Variants in MSANTD2 observed in about 807,000 individuals in gnomAD.
The protein encoded by MSANTD2 is Myb/SANT DNA binding domain containing 2, also known as myb/SANT-like DNA-binding domain-containing protein 2.
A neutral mutation model predicts 52.6 loss-of-function variants in MSANTD2; 19 were observed. That is an observed-to-expected ratio of 0.36 (90% CI 0.25 to 0.53). The LOEUF (loss-of-function observed/expected upper bound fraction) is 0.53, where lower values mean the gene tolerates loss of function less well. Ranked by LOEUF, MSANTD2 falls within the 20% of genes least tolerant of loss-of-function variation. The probability of loss-of-function intolerance (pLI) is 0.91; values close to 1 mark genes in which losing one functional copy is unlikely to be tolerated. For synonymous variants in MSANTD2, 291 were observed against 289.7 expected, an observed-to-expected ratio of 1.00 and a Z score of -0.04; for missense variants, 558 against 716.3, an observed-to-expected ratio of 0.78 and a Z score of 2.52.
chr11:124,775,280 T>A (rs2135239574), intron 1 of MSANTD2: 1 of 202,202 alleles, frequency 4.9e-6, no homozygotes, highest in African/African-American at 2.3e-5. Flanking sequence ...TTAAAAAGAA[T>A]AAGGGGGAAA....
intron 1 of MSANTD2, chr11:124,783,542 C>T: frequency 5.6e-6 from 1 of 179,156 alleles, no homozygotes; most frequent in Non-Finnish European, 1.1e-5. Flanking sequence ...ATTGCTTGAA[C>T]CCAGGAGGGA....
At chr11:124,799,809 G>T in intron 1 of MSANTD2, 62 bp downstream of exon 1, 1 of 1,326,480 alleles carries the variant, frequency 7.5e-7, no homozygotes, top group South Asian at 1.3e-5. Flanking sequence ...CCGCCCCCGA[G>T]GCCCGCTTCC....
intron 3 of MSANTD2, 87 bp from the exon 4 acceptor site, chr11:124,768,115 T>C: frequency 4.6e-6 from 6 of 1,304,104 alleles, no homozygotes; most frequent in Non-Finnish European, 6.3e-6. Context: ...AAATGTTCTG[T>C]ATCTGCTGCC....
At chr11:124,795,392 G>C (rs972040960) in intron 1 of MSANTD2, among the ~76,000 whole-genome samples, 2 of 152,198 alleles carry the variant, frequency 1.3e-5, no homozygotes, top group East Asian at 3.8e-4. Flanking sequence ...CAGTGCATCA[G>C]ATTAACTGAC....
In MSANTD2 at chr11:124,776,274, A is replaced by G. The variant is rs572865981; in HGVS notation, c.511-1300T>C. On this transcript the variant is annotated intron_variant, in intron 1 of 3. Transcript: ENST00000374979. ...AAAACAACTCTTAATAATATCTACA[A>G]AGCCTCCAAGGAAGTTCAGTCTCTT... 3 of 152,348 alleles carry G rather than the reference A, an allele frequency of 2.0e-5. No individual in the cohort carries two copies. In the East Asian group the frequency reaches 5.8e-4, roughly 29 times the overall value. 9.4% of individuals were successfully genotyped at this position (152,348 alleles called of 1,614,324 possible).
At chr11:124,798,464 C>T (rs941532167) in intron 1 of MSANTD2, among the ~76,000 whole-genome samples, 7 of 152,030 alleles carry the variant, frequency 4.6e-5, no homozygotes, top group Non-Finnish European at 1.0e-4. Context: ...TTAGCTACTA[C>T]TTTAATGTCT....
At chr11:124,780,560 A>C (rs1944920704) in intron 1 of MSANTD2, among the ~76,000 whole-genome samples, 1 of 152,222 alleles carries the variant, frequency 6.6e-6, no homozygotes, top group African/African-American at 2.4e-5. Flanking sequence ...CCTCAGAAAA[A>C]TGCACACATA....
chr11:124,800,351 G>T lies in MSANTD2; in HGVS notation c.30C>A (p.Pro10=), dbSNP rs994945374. The T allele has an allele frequency of 1.2e-5, 19 of 1,546,846 alleles. No individual in the cohort carries two copies. Among genetic ancestry groups the T allele is most frequent in the Non-Finnish European group, 1.6e-5 (18 of 1,148,578 alleles). ...TCGGAATTTTTAGCGGCGAGTTGGC[G>T]GGCAGCTCCGAGCCACAGGGCGCAG... MAAPCGSEL[P]ANSPLKIPKM... The change falls in exon 1 of 4, where the codon CCC becomes CCA. Residue 10 remains proline (P), a synonymous_variant. Coordinates refer to ENST00000374979, the MANE Select transcript of MSANTD2 (RefSeq NM_001308027.2). This position sits in a 1 kb window ranked among gnomAD's most constrained non-coding sequence, Gnocchi z 4.3.
Position 124,767,771 on chromosome 11 carries a change from C to T in MSANTD2, c.1085G>A (p.Arg362Gln), listed in dbSNP as rs777449232. ...EKPEGRIIMTRVQKMNWKNVY... is the reference protein window; with the variant it reads ...EKPEGRIIMTQVQKMNWKNVY... Reference sequence around the variant, plus strand: ...ATTTTTCCAGTTCATTTTCTGCACTCGGGTCATAATGATCCGTCCTTCAGG... The same window carrying T: ...ATTTTTCCAGTTCATTTTCTGCACTTGGGTCATAATGATCCGTCCTTCAGG... The change falls in exon 4 of 4, where the codon CGA (arginine) becomes CAA (glutamine). Residue 362 changes from arginine to glutamine, a missense_variant. Around this residue, in one of 2 missense-constraint regions of MSANTD2, gnomAD observed 408 missense variants for 573.6 expected, o/e 0.71. Coordinates refer to ENST00000374979, the MANE Select transcript of MSANTD2 (RefSeq NM_001308027.2). This position sits in a 1 kb window ranked among gnomAD's most constrained non-coding sequence, Gnocchi z 6.5. 32 of 1,614,096 alleles carry T rather than the reference C, an allele frequency of 2.0e-5. No homozygotes were observed. Among genetic ancestry groups the T allele is most frequent in the South Asian group, 1.8e-4 (16 of 91,084 alleles).
intron 1 of MSANTD2, chr11:124,789,749 A>G (rs1046470823): frequency 6.6e-6 from 1 of 152,222 alleles, no homozygotes; most frequent in Non-Finnish European, 1.5e-5. Flanking sequence ...AATTATTTAG[A>G]ACAATCGGAG....
intron 1 of MSANTD2, chr11:124,775,239 C>A: frequency 3.2e-6 from 1 of 310,420 alleles, no homozygotes; most frequent in Non-Finnish European, 6.0e-6. Context: ...GCATGTACCC[C>A]ATACACATAT....
At chr11:124,777,018 G>A (rs1944772141) in intron 1 of MSANTD2, among the ~76,000 whole-genome samples, 1 of 152,238 alleles carries the variant, frequency 6.6e-6, no homozygotes, top group Non-Finnish European at 1.5e-5. Context: ...AATGGAAGGA[G>A]ACAAATGCCT....
Position 124,767,565 on chromosome 11 carries a change from T to A in MSANTD2, c.1291A>T (p.Ile431Phe), listed in dbSNP as rs1450965809. 1.9e-6 allele frequency: 3 copies of A among 1,614,150 alleles called. No individual in the cohort carries two copies. In the Admixed American group the frequency reaches 5.0e-5, roughly 27 times the overall value. The change falls in exon 4 of 4, where the codon ATT becomes TTT. Residue 431 changes from isoleucine to phenylalanine, a missense_variant. By Grantham distance (21) the Ile-to-Phe change is conservative. Transcript: ENST00000374979. The surrounding 1 kb of genome is among the most constrained non-coding windows in gnomAD (Gnocchi z 6.5). Reference sequence around the variant, plus strand: ...ATGTGTGGTGAGAGGGGCCTCTCAATACATTCTTCATAGCCAATGGCATAA... The same window carrying A: ...ATGTGTGGTGAGAGGGGCCTCTCAAAACATTCTTCATAGCCAATGGCATAA... ...GLYAIGYEEC[I>F]ERPLSPHMEQ...
At chr11:124,777,508 T>C (rs1944789730) in intron 1 of MSANTD2, among the ~76,000 whole-genome samples, 1 of 152,248 alleles carries the variant, frequency 6.6e-6, no homozygotes, top group African/African-American at 2.4e-5. Context: ...AACCACCAAA[T>C]TGAGCTTAAT....
intron 1 of MSANTD2, among the ~76,000 whole-genome samples, chr11:124,781,818 A>G (rs1944984577): frequency 1.3e-5 from 2 of 151,854 alleles, no homozygotes; most frequent in African/African-American, 2.4e-5. Flanking sequence ...ACGCTCGGCT[A>G]ATTTTTATAT....
intron 3 of MSANTD2, among the ~76,000 whole-genome samples, chr11:124,771,408 A>C (rs1287065886): frequency 2.0e-5 from 3 of 152,230 alleles, no homozygotes; most frequent in Admixed American, 6.5e-5. Flanking sequence ...TTTGATTCCA[A>C]AGAGAGACTC....
At position 124,800,193 on chromosome 11, in the gene MSANTD2, G is replaced by A. The variant is rs750947786; in HGVS notation, c.188C>T (p.Ser63Phe). 1.4e-4 allele frequency: 211 copies of A among 1,471,552 alleles called. 2 individuals carry two copies. The East Asian group carries it at 6.3e-3, about 44-fold the overall frequency. 91.2% of individuals were successfully genotyped at this position (1,471,552 alleles called of 1,614,324 possible). Residue 63 changes from serine (S) to phenylalanine (F), a missense_variant, in exon 1 of 4, where the codon TCC (serine) becomes TTC (phenylalanine). Coordinates refer to ENST00000374979, the MANE Select transcript of MSANTD2 (RefSeq NM_001308027.2). The surrounding 1 kb of genome is among the most constrained non-coding windows in gnomAD (Gnocchi z 4.3). ...CCCCAGCCCCAGCCCGAGACCCCCG[G>A]ACGCCGCTGCCCCCGAGCCCGCCGC... is the stretch of plus-strand genomic sequence containing the variant. The part of the protein sequence containing the change: ...GSAAGSGAAA[S>F]GGLGLGLGGR...
At chr11:124,785,940 T>A (rs1163805582) in intron 1 of MSANTD2, among the ~76,000 whole-genome samples, 1 of 151,986 alleles carries the variant, frequency 6.6e-6, no homozygotes, top group Non-Finnish European at 1.5e-5. Context: ...AACTAAGACC[T>A]GGTATACTTC....
intron 1 of MSANTD2, among the ~76,000 whole-genome samples, chr11:124,797,906 A>C (rs746137538): frequency 6.6e-6 from 1 of 152,072 alleles, no homozygotes; most frequent in Non-Finnish European, 1.5e-5. Context: ...ACCCAATTAG[A>C]TACTCCCTGG....
Sources: allele counts gnomAD v4.1 joint callset (sites outside exome capture counted in the v4.1 genomes callset), GRCh38; gene constraint gnomAD v4.1.1; regional missense constraint gnomAD v4.1.1; non-coding constraint Gnocchi (gnomAD v3.1); transcripts MANE v1.5; gene names NCBI Gene and HGNC (gene_info 2026-07-23, HGNC 2026-07-21).